The following SMIM36 variants were observed in gnomAD, a reference collection of about 807,000 sequenced individuals.
SMIM36 encodes small integral membrane protein 36.
intron 2 of SMIM36, among the ~76,000 whole-genome samples, chr17:55,479,255 T>G (rs1363812536): frequency 3.3e-5 from 5 of 152,220 alleles, no homozygotes; most frequent in African/African-American, 1.2e-4. Context: ...CACAGGCAGG[T>G]GTCAGGATTC....
upstream of SMIM36, among the ~76,000 whole-genome samples, chr17:55,515,677 C>A (rs1005373206): frequency 2.0e-5 from 3 of 152,172 alleles, no homozygotes; most frequent in African/African-American, 7.2e-5. Context: ...GACTGCAGGC[C>A]ACCACCAGAA....
chr17:55,508,382 C>A (rs1032030736), intron 1 of SMIM36, among the ~76,000 whole-genome samples: 2 of 145,668 alleles, frequency 1.4e-5, no homozygotes, highest in Middle Eastern at 3.6e-3. Flanking sequence ...TATATTCTCT[C>A]TATATATTCC....
intron 1 of SMIM36, among the ~76,000 whole-genome samples, chr17:55,501,034 T>C (rs796189830): frequency 0.016 from 34 of 2,090 alleles, 5 homozygotes; most frequent in East Asian, 0.088. Flanking sequence ...ATATAATATA[T>C]TATTATATAT....
intron 1 of SMIM36, among the ~76,000 whole-genome samples, chr17:55,484,780 C>T (rs1323040875): frequency 6.6e-6 from 1 of 152,226 alleles, no homozygotes; most frequent in African/African-American, 2.4e-5. Context: ...GGGGCTGTCT[C>T]ATGCAAAACT....
intron 1 of SMIM36, among the ~76,000 whole-genome samples, chr17:55,491,918 C>T (rs987917467): frequency 2.0e-5 from 3 of 152,000 alleles, no homozygotes; most frequent in East Asian, 1.9e-4. Flanking sequence ...CCAGCACTTC[C>T]GGAGGCCGAG....
upstream of SMIM36, among the ~76,000 whole-genome samples, chr17:55,514,093 T>G (rs1297393256): frequency 6.6e-6 from 1 of 152,224 alleles, no homozygotes; most frequent in African/African-American, 2.4e-5. Flanking sequence ...TGCTGGGTGC[T>G]TGTTTTACTT....
intron 4 of SMIM36, among the ~76,000 whole-genome samples, chr17:55,464,572 C>T (rs1377283085): frequency 6.6e-6 from 1 of 152,110 alleles, no homozygotes; most frequent in Non-Finnish European, 1.5e-5. Flanking sequence ...TAACTCAGTA[C>T]ACACAGAAGG....
intron 4 of SMIM36, among the ~76,000 whole-genome samples, chr17:55,453,294 G>C (rs1390836969): frequency 6.7e-6 from 1 of 149,812 alleles, no homozygotes; most frequent in African/African-American, 2.6e-5. Flanking sequence ...CCCAGCCTGG[G>C]TGACATAAAT....
intron 1 of SMIM36, among the ~76,000 whole-genome samples, chr17:55,482,565 T>A (rs1909538456): frequency 6.6e-6 from 1 of 152,232 alleles, no homozygotes; most frequent in South Asian, 2.1e-4. Context: ...AGAATCTGGA[T>A]TGATTCATTT....
chr17:55,529,537 G>T, the SMIM36 span, among the ~76,000 whole-genome samples: 1 of 152,102 alleles, frequency 6.6e-6, no homozygotes, highest in Non-Finnish European at 1.5e-5. Flanking sequence ...GGAGGCTGAG[G>T]CGGGCAGATC....
the SMIM36 span, among the ~76,000 whole-genome samples, chr17:55,519,059 T>C: frequency 4.6e-5 from 7 of 151,482 alleles, no homozygotes; most frequent in African/African-American, 1.7e-4. Context: ...GTGGAGGAAA[T>C]GTACTGTATA....
At chr17:55,477,316 G>A (rs769072403) in intron 3 of SMIM36, 4 of 152,180 alleles carry the variant, frequency 2.6e-5, no homozygotes, top group African/African-American at 4.8e-5. Context: ...TATGGGAAGA[G>A]AATCTTTCCT....
At chr17:55,518,145 G>A in the SMIM36 span, among the ~76,000 whole-genome samples, 6 of 152,338 alleles carry the variant, frequency 3.9e-5, no homozygotes, top group East Asian at 1.2e-3. Context: ...ACCATCTGGC[G>A]AGGGCCTCGT....
At chr17:55,474,016 T>C (rs1262115701) in intron 3 of SMIM36, among the ~76,000 whole-genome samples, 1 of 152,130 alleles carries the variant, frequency 6.6e-6, no homozygotes, top group Non-Finnish European at 1.5e-5. Context: ...TACCAGTGCA[T>C]GCAGCCCCCA....
At chr17:55,462,553 CTA>C (rs1909164018) in intron 4 of SMIM36, among the ~76,000 whole-genome samples, 1 of 152,148 alleles carries the variant, frequency 6.6e-6, no homozygotes. Context: ...TTGCAGTGAG[CTA>C]TGACAGAACC....
chr17:55,516,652 G>A, the SMIM36 span, among the ~76,000 whole-genome samples: 6 of 145,624 alleles, frequency 4.1e-5, no homozygotes, highest in Non-Finnish European at 5.9e-5. Flanking sequence ...TCCGCCTCCC[G>A]GTTTCAAGCA....
At chr17:55,477,935 A>C (rs527383616) in intron 3 of SMIM36, among the ~76,000 whole-genome samples, 1 of 152,152 alleles carries the variant, frequency 6.6e-6, no homozygotes, top group South Asian at 2.1e-4. Context: ...CCTAGTTACC[A>C]AGGAAGCTGG....
intron 4 of SMIM36, among the ~76,000 whole-genome samples, chr17:55,453,032 G>T (rs994606835): frequency 6.6e-6 from 1 of 152,184 alleles, no homozygotes; most frequent in Non-Finnish European, 1.5e-5. Flanking sequence ...CCACGGGCTG[G>T]GTGTGGTTGG....
intron 1 of SMIM36, among the ~76,000 whole-genome samples, chr17:55,495,515 C>A (rs182083075): frequency 6.6e-6 from 1 of 152,198 alleles, no homozygotes; most frequent in African/African-American, 2.4e-5. Context: ...ATAGACTGGG[C>A]GTGGTGGCTC....
Sources: gnomAD v4.1 joint callset for allele counts (sites outside exome capture counted in the v4.1 genomes callset) on GRCh38, gnomAD v4.1.1 for gene constraint, MANE v1.5 for transcripts, NCBI Gene and HGNC (gene_info 2026-07-23, HGNC 2026-07-21) for gene names.